Variants in TBC1D32 observed in about 807,000 individuals in gnomAD.
The protein encoded by TBC1D32 is protein broad-minded.
TBC1D32 carries 151 observed loss-of-function variants against 170.3 expected under a neutral mutation model. The ratio of observed to expected loss-of-function variants is 0.89; its 90% CI spans 0.78 to 1.01. The LOEUF is 1.01. Among genes scored for constraint, TBC1D32 ranks in the 50% least tolerant of loss-of-function variants. TBC1D32 has a pLI of 0.00. For synonymous variants in TBC1D32, 498 were observed against 488.0 expected, an observed-to-expected ratio of 1.02 and a Z score of -0.27; for missense variants, 1,464 against 1,457.1, an observed-to-expected ratio of 1.00 and a Z score of -0.08.
chr6:121,231,989 T>C (rs1795802085), intron 20 of TBC1D32, among the ~76,000 whole-genome samples: 1 of 152,190 alleles, frequency 6.6e-6, no homozygotes, highest in Non-Finnish European at 1.5e-5. Context: ...ATAAAGTCTT[T>C]ACCTAAGCTA....
At chr6:121,330,067 GT>G (rs1811010111) in intron 1 of TBC1D32, among the ~76,000 whole-genome samples, 1 of 151,940 alleles carries the variant, frequency 6.6e-6, no homozygotes, top group Non-Finnish European at 1.5e-5. Flanking sequence ...TATTTATTTT[GT>G]TTTATTTTGT....
chr6:121,294,593 G>A lies in TBC1D32; in HGVS notation c.1208C>T (p.Thr403Ile). The change falls in exon 11 of 32, where the codon ACT becomes ATT. Residue 403 changes from threonine to isoleucine, a missense_variant. Physicochemically the swap from Thr to Ile is moderately conservative, Grantham distance 89. Transcript: ENST00000398212. ...EMCKTRKADETLGHSKHCRNK... is the reference protein window; with the variant it reads ...EMCKTRKADEILGHSKHCRNK... ...ACTGCAATGCTTTGAATGTCCCAAA[G>A]TTTCATCAGCTTTCCTAGTCTTACA... 1 of 1,612,128 alleles carries A rather than the reference G, an allele frequency of 6.2e-7. No homozygotes were observed. The highest frequency in any genetic ancestry group is 1.1e-5 in the South Asian group (1 of 90,636).
At chr6:121,214,483 C>A (rs1473341613) in intron 21 of TBC1D32, among the ~76,000 whole-genome samples, 1 of 152,214 alleles carries the variant, frequency 6.6e-6, no homozygotes, top group African/African-American at 2.4e-5. Flanking sequence ...GGCAGGCCAG[C>A]TGCAGCAGGG....
At chr6:121,183,550 G>A (rs958116516) in intron 22 of TBC1D32, among the ~76,000 whole-genome samples, 1 of 152,020 alleles carries the variant, frequency 6.6e-6, no homozygotes, top group Non-Finnish European at 1.5e-5. Context: ...TTCACCTCAG[G>A]TGTTGAAGGC....
At chr6:121,230,911 C>T (rs1224423109) in intron 20 of TBC1D32, among the ~76,000 whole-genome samples, 1 of 152,030 alleles carries the variant, frequency 6.6e-6, no homozygotes, top group African/African-American at 2.4e-5. Flanking sequence ...ACCCTGTACC[C>T]AGTGTGTAGT....
At chr6:121,296,860 A>T (rs769030625) in intron 10 of TBC1D32, among the ~76,000 whole-genome samples, 21 of 152,224 alleles carry the variant, frequency 1.4e-4, no homozygotes, top group Non-Finnish European at 2.5e-4. Flanking sequence ...AAGACAAAAG[A>T]ACAAACAATA....
At chr6:121,303,885 G>A in intron 8 of TBC1D32, 124 bp from the exon 9 acceptor site, 1 of 587,848 alleles carries the variant, frequency 1.7e-6, no homozygotes, top group Non-Finnish European at 2.6e-6. Context: ...GTAAATGACA[G>A]GTAGGATTCA....
chr6:121,205,258 T>C (rs1792097062), intron 21 of TBC1D32, 95 bp from the exon 22 acceptor site: 2 of 594,494 alleles, frequency 3.4e-6, no homozygotes, highest in Non-Finnish European at 5.6e-6. Context: ...GGCTCTCAAA[T>C]TTGCCTTTAC....
chr6:121,286,866 T>G lies in TBC1D32; in HGVS notation c.1373-2956A>C, dbSNP rs577651189. ...CAATATTCAACATTCTTAAAGAAAA[T>G]AATTTTCAACCCAGAATTTCATATC... On this transcript the variant is annotated intron_variant, in intron 12 of 31. Transcript: ENST00000398212. Among the ~76,000 whole-genome samples the G allele has an allele frequency of 9.4e-3, 1,431 of 152,064 alleles. 26 individuals carry two copies. Among genetic ancestry groups the G allele is most frequent in the African/African-American group, 0.031 (1,294 of 41,460 alleles).
intron 20 of TBC1D32, among the ~76,000 whole-genome samples, chr6:121,238,342 T>C (rs1470516108): frequency 6.6e-6 from 1 of 152,146 alleles, no homozygotes; most frequent in Non-Finnish European, 1.5e-5. Context: ...TTTTTGGTCA[T>C]TTCAATGCTT....
intron 15 of TBC1D32, among the ~76,000 whole-genome samples, chr6:121,270,524 A>G (rs899841008): frequency 6.6e-6 from 1 of 152,180 alleles, no homozygotes; most frequent in African/African-American, 2.4e-5. Context: ...AAATGGATAA[A>G]TTCATGGACA....
chr6:121,155,325 A>G (rs1330725258), intron 24 of TBC1D32, among the ~76,000 whole-genome samples: 1 of 152,062 alleles, frequency 6.6e-6, no homozygotes, highest in Non-Finnish European at 1.5e-5. Flanking sequence ...TTGTATAGAA[A>G]AGCTGACTTT....
At chr6:121,184,711 T>A (rs566465764) in intron 22 of TBC1D32, among the ~76,000 whole-genome samples, 63 of 151,806 alleles carry the variant, frequency 4.2e-4, no homozygotes, top group Non-Finnish European at 7.1e-4. Flanking sequence ...TCTGACAAGG[T>A]GCAATACGAG....
intron 12 of TBC1D32, among the ~76,000 whole-genome samples, chr6:121,289,915 A>G (rs983788942): frequency 1.3e-5 from 2 of 152,240 alleles, no homozygotes; most frequent in African/African-American, 4.8e-5. Flanking sequence ...TCCCTATTCA[A>G]TAAATGGTGC....
At chr6:121,169,760 T>C (rs1157523617) in intron 22 of TBC1D32, among the ~76,000 whole-genome samples, 1 of 152,120 alleles carries the variant, frequency 6.6e-6, no homozygotes, top group African/African-American at 2.4e-5. Context: ...TTCCAAGACC[T>C]GGCTAAGATG....
chr6:121,293,095 C>G (rs1198555192), intron 11 of TBC1D32, among the ~76,000 whole-genome samples: 1 of 150,646 alleles, frequency 6.6e-6, no homozygotes, highest in Non-Finnish European at 1.5e-5. Context: ...GCAGAAAACT[C>G]TGAAAGAGAA....
At chr6:121,270,060 C>A (rs1051439303) in intron 15 of TBC1D32, among the ~76,000 whole-genome samples, 1 of 151,998 alleles carries the variant, frequency 6.6e-6, no homozygotes, top group Non-Finnish European at 1.5e-5. Context: ...TTCTTTGAAA[C>A]CAACGAGAAC....
In TBC1D32 at chr6:121,204,499, G is replaced by A. The variant is rs1261805621; in HGVS notation, c.2570+576C>T. Among the ~76,000 whole-genome samples, 6 of 151,138 alleles carry A rather than the reference G, an allele frequency of 4.0e-5. 1 individual carries two copies. The highest frequency in any genetic ancestry group is 1.5e-4 in the African/African-American group (6 of 40,534). ...TGCTTTTAAAGGTAGTAATTTACAG[G>A]AAGGGAAGCAAATTCTATGTTTACA... On this transcript the variant is annotated intron_variant, in intron 22 of 31. Transcript: ENST00000398212.
At chr6:121,313,935 T>C (rs1165245482) in intron 3 of TBC1D32, among the ~76,000 whole-genome samples, 1 of 152,178 alleles carries the variant, frequency 6.6e-6, no homozygotes, top group African/African-American at 2.4e-5. Context: ...CAAGAAATTC[T>C]GATTAAGATT....
Sources: gnomAD v4.1 joint callset for allele counts (sites outside exome capture counted in the v4.1 genomes callset) on GRCh38, gnomAD v4.1.1 for gene constraint, MANE v1.5 for transcripts, NCBI Gene and HGNC (gene_info 2026-07-23, HGNC 2026-07-21) for gene names.